PDE1A: variants seen among roughly 807,000 people sequenced by gnomAD.
PDE1A encodes dual specificity calcium/calmodulin-dependent 3',5'-cyclic nucleotide phosphodiesterase 1A.
A neutral mutation model predicts 61.7 loss-of-function variants in PDE1A; 35 were observed. That is an observed-to-expected ratio of 0.57 (90% confidence interval 0.43 to 0.75). The LOEUF (loss-of-function observed/expected upper bound fraction) is 0.75, where lower values mean the gene tolerates loss of function less well. PDE1A is among the 30% of genes least tolerant of loss of function. The pLI, the probability that PDE1A is intolerant of heterozygous loss-of-function variation, is 0.00. For synonymous variants in PDE1A, 232 were observed against 213.2 expected, an observed-to-expected ratio of 1.09 and a Z score of -0.77; for missense variants, 597 against 630.6, an observed-to-expected ratio of 0.95 and a Z score of 0.57.
intron 1 of PDE1A, among the ~76,000 whole-genome samples, chr2:182,275,651 G>C (rs1344070972): frequency 1.3e-5 from 2 of 151,968 alleles, no homozygotes; most frequent in Admixed American, 6.6e-5. Context: ...GTTTAGCAAG[G>C]CTGTTTAGTT....
At chr2:182,663,511 T>C in the PDE1A span, among the ~76,000 whole-genome samples, 2 of 152,232 alleles carry the variant, frequency 1.3e-5, no homozygotes, top group East Asian at 1.9e-4. Flanking sequence ...AATTAGATCA[T>C]GTCCTTTGCA....
the PDE1A span, among the ~76,000 whole-genome samples, chr2:182,590,891 C>A: frequency 3.0e-3 from 457 of 152,286 alleles, 1 homozygote; most frequent in Non-Finnish European, 3.6e-3. Flanking sequence ...TGTGTTCTCA[C>A]AATTGGATCT....
the PDE1A span, among the ~76,000 whole-genome samples, chr2:182,709,544 A>C: frequency 6.6e-6 from 1 of 152,242 alleles, no homozygotes; most frequent in Admixed American, 6.5e-5. Flanking sequence ...ATATTGTGAT[A>C]AATGCAATAG....
At chr2:182,458,152 G>A (rs1157752098) in intron 2 of PDE1A, among the ~76,000 whole-genome samples, 1 of 152,030 alleles carries the variant, frequency 6.6e-6, no homozygotes, top group Non-Finnish European at 1.5e-5. Flanking sequence ...TTGAGATAAT[G>A]TGTAATAACC....
chr2:182,271,240 A>C (rs1356224961), intron 1 of PDE1A, among the ~76,000 whole-genome samples: 2 of 151,246 alleles, frequency 1.3e-5, no homozygotes, highest in Admixed American at 6.6e-5. Flanking sequence ...AATTTGCTTG[A>C]GTGTACTAAT....
chr2:182,569,939 C>CA, the PDE1A span, among the ~76,000 whole-genome samples: 1 of 152,334 alleles, frequency 6.6e-6, no homozygotes, highest in African/African-American at 2.4e-5. Flanking sequence ...AGACCTCATG[C>CA]AAAACTCCTA....
chr2:182,192,929 GTTGT>G (rs1000283713), intron 10 of PDE1A, among the ~76,000 whole-genome samples: 41 of 152,156 alleles, frequency 2.7e-4, no homozygotes, highest in Non-Finnish European at 1.5e-4. Flanking sequence ...TTTTGTTGTT[GTTGT>G]TTGTTTTTTG....
the PDE1A span, among the ~76,000 whole-genome samples, chr2:182,562,154 TC>T: frequency 6.6e-6 from 1 of 152,096 alleles, no homozygotes; most frequent in Non-Finnish European, 1.5e-5. Context: ...AGGGAATGCT[TC>T]CAGTTTTTGC....
chr2:182,362,921 T>C (rs1456812729), intron 1 of PDE1A, among the ~76,000 whole-genome samples: 5 of 152,072 alleles, frequency 3.3e-5, no homozygotes, highest in Non-Finnish European at 7.4e-5. Context: ...TGCAGGAACA[T>C]GGATGGGCCT....
the PDE1A span, among the ~76,000 whole-genome samples, chr2:182,607,025 G>A: frequency 6.6e-6 from 1 of 152,104 alleles, no homozygotes; most frequent in Admixed American, 6.5e-5. Context: ...GGGTTTAAAT[G>A]GCAGAGAAGA....
chr2:182,641,642 G>T, the PDE1A span, among the ~76,000 whole-genome samples: 7 of 152,162 alleles, frequency 4.6e-5, no homozygotes, highest in Non-Finnish European at 8.8e-5. Flanking sequence ...TTCTGAGAAC[G>T]TTAGTCTTCT....
At chr2:182,362,437 T>C (rs1699563590) in intron 1 of PDE1A, among the ~76,000 whole-genome samples, 1 of 151,966 alleles carries the variant, frequency 6.6e-6, no homozygotes, top group Non-Finnish European at 1.5e-5. Flanking sequence ...TAAACAATAA[T>C]AGACAATTAT....
At chr2:182,235,835 C>T (rs576898649) in intron 3 of PDE1A, among the ~76,000 whole-genome samples, 66 of 152,296 alleles carry the variant, frequency 4.3e-4, no homozygotes, top group Non-Finnish European at 3.7e-4. Context: ...TATTCTACGT[C>T]TTTTATAAAA....
Position 182,186,367 on chromosome 2 carries a change from T to C in PDE1A, c.1328+101A>G, listed in dbSNP as rs1299095051. 46 of 1,363,188 alleles carry C rather than the reference T, an allele frequency of 3.4e-5. No individual in the cohort carries two copies. The East Asian group carries it at 1.1e-3, about 32-fold the overall frequency. The allele number at this position is 1,363,188 out of a possible 1,614,324, so 84.4% of individuals were successfully genotyped here. On this transcript the variant is annotated intron_variant, in intron 12 of 13. Coordinates refer to ENST00000351439, the Ensembl canonical transcript of PDE1A. ...GGTGGCAATACTCCCTAATAATTCTTGTGAGAATTCTCTGCCTAGATGTGA... is the reference window on the plus strand; with the variant it reads ...GGTGGCAATACTCCCTAATAATTCTCGTGAGAATTCTCTGCCTAGATGTGA...
chr2:182,690,643 C>A, the PDE1A span, among the ~76,000 whole-genome samples: 45 of 152,280 alleles, frequency 3.0e-4, no homozygotes, highest in Admixed American at 2.7e-3. Context: ...CCTCTCTCAC[C>A]ACTCCTATTC....
chr2:182,223,795 C>G (rs962195995), intron 7 of PDE1A, 69 bp downstream of exon 7: 9 of 862,636 alleles, frequency 1.0e-5, no homozygotes, highest in Middle Eastern at 5.6e-4. Context: ...TAAAAATCCT[C>G]TTAAGTGATA....
intron 7 of PDE1A, among the ~76,000 whole-genome samples, chr2:182,210,877 A>C (rs1687529351): frequency 6.7e-6 from 1 of 148,966 alleles, no homozygotes; most frequent in African/African-American, 2.5e-5. Flanking sequence ...ATGTGACAGA[A>C]TACCTGAGGC....
intron 2 of PDE1A, among the ~76,000 whole-genome samples, chr2:182,498,924 C>T (rs1274995226): frequency 6.6e-6 from 1 of 151,830 alleles, no homozygotes; most frequent in Non-Finnish European, 1.5e-5. Context: ...GCCTGGGCGA[C>T]AGAGCGAGAC....
Position 182,218,197 on chromosome 2 carries a change from C to T in PDE1A, c.776+5667G>A, listed in dbSNP as rs949735773. Among the ~76,000 whole-genome samples, 396 of 147,426 alleles carry T rather than the reference C, an allele frequency of 2.7e-3. 2 individuals are homozygous for T. The highest frequency in any genetic ancestry group is 9.5e-3 in the African/African-American group (377 of 39,800). The stretch of plus-strand genomic sequence containing the variant: ...AAAAACCAAACACCGCATATTCTCA[C>T]TCATAGGTGGGAATTGAACAATGAG... On this transcript the variant is annotated intron_variant, in intron 7 of 13. Transcript: ENST00000351439.
Sources: gnomAD v4.1 joint callset for allele counts (sites outside exome capture counted in the v4.1 genomes callset) on GRCh38, gnomAD v4.1.1 for gene constraint, MANE v1.5 for transcripts, NCBI Gene and HGNC (gene_info 2026-07-23, HGNC 2026-07-21) for gene names.